The following NBEA variants were observed in gnomAD, a reference collection of about 807,000 sequenced individuals.
NBEA encodes the protein lysosomal-trafficking regulator 2.
In NBEA, 44 loss-of-function variants were observed where a neutral mutation model predicts 343.4. The observed-to-expected ratio is 0.13, with a 90% CI of 0.10 to 0.16. NBEA has a LOEUF of 0.16. Among genes scored for constraint, NBEA ranks in the 10% least tolerant of loss-of-function variants. The probability of loss-of-function intolerance (pLI) is 1.00; values close to 1 mark genes in which losing one functional copy is unlikely to be tolerated. For missense variants in NBEA, 2,555 were observed against 3,631.3 expected, an observed-to-expected ratio of 0.70 and a Z score of 7.62; for synonymous variants, 1,175 against 1,238.7, an observed-to-expected ratio of 0.95 and a Z score of 1.08.
intron 10 of NBEA, among the ~76,000 whole-genome samples, chr13:35,093,219 G>A (rs2065173061): frequency 6.6e-6 from 1 of 151,716 alleles, no homozygotes; most frequent in South Asian, 2.1e-4. Context: ...GATAGCACAA[G>A]TGAATTTTTT....
At chr13:35,153,663 T>C (rs1041422764) in intron 18 of NBEA, among the ~76,000 whole-genome samples, 2 of 152,244 alleles carry the variant, frequency 1.3e-5, no homozygotes, top group East Asian at 1.9e-4. Flanking sequence ...ATTCTTTTCA[T>C]TGTTAGATGA....
chr13:35,498,807 T>C (rs2076779356), intron 41 of NBEA, among the ~76,000 whole-genome samples: 1 of 152,142 alleles, frequency 6.6e-6, no homozygotes. Flanking sequence ...TGTAATGTGC[T>C]AAATGCTCCA....
intron 34 of NBEA, among the ~76,000 whole-genome samples, chr13:35,282,070 G>A (rs1161532045): frequency 4.6e-5 from 7 of 150,906 alleles, no homozygotes; most frequent in Non-Finnish European, 1.0e-4. Flanking sequence ...CTGCTACCAC[G>A]CCCGGCTAAT....
At chr13:34,975,164 G>GA (rs1466017095) in intron 1 of NBEA, among the ~76,000 whole-genome samples, 1 of 152,094 alleles carries the variant, frequency 6.6e-6, no homozygotes, top group African/African-American at 2.4e-5. Context: ...TAAGTTCTGT[G>GA]AGAAAATTAC....
chr13:35,151,677 T>C (rs1374805481), intron 18 of NBEA, among the ~76,000 whole-genome samples: 1 of 152,140 alleles, frequency 6.6e-6, no homozygotes, highest in Non-Finnish European at 1.5e-5. Context: ...ATAAATTATT[T>C]ATGTCTATAG....
intron 34 of NBEA, among the ~76,000 whole-genome samples, chr13:35,234,262 A>G (rs1242115063): frequency 6.6e-6 from 1 of 152,166 alleles, no homozygotes; most frequent in Non-Finnish European, 1.5e-5. Context: ...TGAAGTATAA[A>G]ATGCTCTGAA....
At chr13:35,134,940 A>G (rs1945475962) in intron 17 of NBEA, among the ~76,000 whole-genome samples, 1 of 152,088 alleles carries the variant, frequency 6.6e-6, no homozygotes, top group Non-Finnish European at 1.5e-5. Context: ...CATTATAATG[A>G]CATATAAGAG....
intron 40 of NBEA, among the ~76,000 whole-genome samples, chr13:35,461,450 A>T (rs1292695268): frequency 6.6e-6 from 1 of 152,162 alleles, no homozygotes; most frequent in East Asian, 1.9e-4. Context: ...TAAATAACTA[A>T]CTTACCAGGA....
chr13:35,588,367 A>C (rs2081376194), intron 46 of NBEA, among the ~76,000 whole-genome samples: 1 of 152,154 alleles, frequency 6.6e-6, no homozygotes, highest in Non-Finnish European at 1.5e-5. Context: ...TGAAATAGAA[A>C]ATGCATTAAA....
At chr13:35,444,248 G>T (rs925611643) in intron 39 of NBEA, among the ~76,000 whole-genome samples, 3 of 151,856 alleles carry the variant, frequency 2.0e-5, no homozygotes, top group East Asian at 3.9e-4. Context: ...CATATCTATT[G>T]TAATTTTCTG....
chr13:35,659,760 C>T (rs1484203895), intron 55 of NBEA, among the ~76,000 whole-genome samples: 1 of 152,074 alleles, frequency 6.6e-6, no homozygotes, highest in Non-Finnish European at 1.5e-5. Context: ...CTTTCAAACT[C>T]GCGGCTTTGA....
rs576907643 is a variant in NBEA at position 35,431,194 on chromosome 13, A to G, written c.6180-1075A>G. Among the ~76,000 whole-genome samples the G allele has an allele frequency of 2.6e-5, 4 of 152,262 alleles. No homozygotes were observed. The East Asian group carries it at 7.7e-4, about 29-fold the overall frequency. ...GGCGAGACATTGTGCTAGAAATATA[A>G]TGATGAGCAAAACATACATAGGTCC... On this transcript the variant is annotated intron_variant, in intron 38 of 58. Coordinates refer to ENST00000379939, the MANE Select transcript of NBEA (RefSeq NM_001385012.1).
intron 41 of NBEA, among the ~76,000 whole-genome samples, chr13:35,534,256 C>T (rs1014803465): frequency 7.2e-5 from 11 of 152,276 alleles, no homozygotes; most frequent in Non-Finnish European, 1.3e-4. Context: ...CATACCTTTA[C>T]CTCAGCACAA....
intron 1 of NBEA, among the ~76,000 whole-genome samples, chr13:34,971,783 A>G (rs1209489030): frequency 6.6e-6 from 1 of 150,780 alleles, no homozygotes; most frequent in Non-Finnish European, 1.5e-5. Context: ...TTTTGCATCG[A>G]TATTCATCAA....
chr13:35,014,245 G>A (rs2061577876), intron 1 of NBEA, among the ~76,000 whole-genome samples: 1 of 151,938 alleles, frequency 6.6e-6, no homozygotes, highest in South Asian at 2.1e-4. Flanking sequence ...AACAAGTTTT[G>A]AACAAGTGAA....
intron 36 of NBEA, among the ~76,000 whole-genome samples, chr13:35,343,772 T>C (rs1440973982): frequency 6.6e-6 from 1 of 152,112 alleles, no homozygotes; most frequent in Non-Finnish European, 1.5e-5. Context: ...AATCTGTCAC[T>C]ATCTCCCATC....
chr13:35,475,602 G>C, intron 41 of NBEA: 3 of 1,613,780 alleles, frequency 1.9e-6, no homozygotes, highest in Non-Finnish European at 1.7e-6. Context: ...TCCTCGGCCA[G>C]ATCCCGGTGC....
chr13:35,420,449 A>T (rs929939231), intron 38 of NBEA, among the ~76,000 whole-genome samples: 2 of 151,954 alleles, frequency 1.3e-5, no homozygotes, highest in Non-Finnish European at 2.9e-5. Flanking sequence ...TTTTGTCTAT[A>T]TAAAGGATGG....
intron 34 of NBEA, among the ~76,000 whole-genome samples, chr13:35,244,215 A>C (rs938525772): frequency 6.6e-6 from 1 of 151,770 alleles, no homozygotes; most frequent in Non-Finnish European, 1.5e-5. Context: ...AAATTTAGAA[A>C]CTCCATAAAC....
Sources: allele counts gnomAD v4.1 joint callset (sites outside exome capture counted in the v4.1 genomes callset), GRCh38; gene constraint gnomAD v4.1.1; transcripts MANE v1.5; gene names NCBI Gene and HGNC (gene_info 2026-07-23, HGNC 2026-07-21).